The following TDRD5 variants were observed in gnomAD, a reference collection of about 807,000 sequenced individuals.
The protein encoded by TDRD5 is tudor domain containing 5.
TDRD5 carries 41 observed loss-of-function variants against 120.6 expected under a neutral mutation model. The ratio of observed to expected loss-of-function variants is 0.34; its 90% CI spans 0.26 to 0.44. The LOEUF (loss-of-function observed/expected upper bound fraction) is 0.44. Ranked by LOEUF, TDRD5 falls within the 20% of genes least tolerant of loss-of-function variation. The probability of loss-of-function intolerance (pLI) is 1.00; values close to 1 mark genes in which losing one functional copy is unlikely to be tolerated. For synonymous variants in TDRD5, 430 were observed against 433.7 expected (o/e 0.99, Z 0.11); for missense variants, 1,006 against 1,221.2 (o/e 0.82, Z 2.63).
intron 7 of TDRD5, among the ~76,000 whole-genome samples, chr1:179,631,882 G>T (rs1258078680): frequency 1.4e-5 from 2 of 142,080 alleles, no homozygotes; most frequent in African/African-American, 2.6e-5. Context: ...TTGTGGGGTG[G>T]GTGGTGGTGA....
At chr1:179,683,067 A>C (rs1680517793) in intron 17 of TDRD5, among the ~76,000 whole-genome samples, 1 of 151,972 alleles carries the variant, frequency 6.6e-6, no homozygotes, top group African/African-American at 2.4e-5. Flanking sequence ...TATATCCACA[A>C]ATTTTAGATG....
chr1:179,662,211 T>C lies in TDRD5; in HGVS notation c.2430T>C (p.Asp810=). 1 of 1,612,134 alleles carries C rather than the reference T, an allele frequency of 6.2e-7. No individual in the cohort carries two copies. Among genetic ancestry groups the C allele is most frequent in the Non-Finnish European group, 8.5e-7 (1 of 1,179,276 alleles). ...AGGCTAAGATGGGAAAAGGAGGTGA[T>C]GCTGCCTCCCATCTATTTACTGCAA... is the stretch of plus-strand genomic sequence containing the variant. ...PLQAKMGKGG[D]AASHLFTASL... The change falls in exon 15 of 18, where the codon GAT becomes GAC. Residue 810 remains aspartate, a synonymous_variant. Coordinates refer to ENST00000444136, the MANE Select transcript of TDRD5 (RefSeq NM_001199085.3).
At position 179,691,232 on chromosome 1, in the gene TDRD5, T is replaced by C. The variant is rs1421198777; in HGVS notation, c.*289T>C. The C allele has an allele frequency of 1.1e-5, 3 of 264,022 alleles. No homozygotes were observed. Among genetic ancestry groups the C allele is most frequent in the Non-Finnish European group, 7.3e-6 (1 of 137,636 alleles). 16.4% of individuals were successfully genotyped at this position (264,022 alleles called of 1,614,324 possible). On this transcript the variant is annotated 3_prime_UTR_variant, in exon 18 of 18. Coordinates refer to ENST00000444136, the MANE Select transcript of TDRD5 (RefSeq NM_001199085.3). ...TTTGTTTTTTTGTGTTTGTTTTTCT[T>C]GTACATTATCATGACTGATAAATGA...
chr1:179,686,710 C>G (rs1680738833), intron 17 of TDRD5, among the ~76,000 whole-genome samples: 1 of 152,174 alleles, frequency 6.6e-6, no homozygotes, highest in African/African-American at 2.4e-5. Flanking sequence ...ATTATTGCCT[C>G]AGTTTCAGAG....
intron 5 of TDRD5, among the ~76,000 whole-genome samples, chr1:179,620,600 G>C (rs1209772194): frequency 6.6e-6 from 1 of 152,032 alleles, no homozygotes. Context: ...TTTGATGTAC[G>C]TATGGACAAT....
At chr1:179,655,038 A>C (rs1235738995) in intron 14 of TDRD5, among the ~76,000 whole-genome samples, 1 of 152,094 alleles carries the variant, frequency 6.6e-6, no homozygotes, top group Non-Finnish European at 1.5e-5. Flanking sequence ...AAAACTTAAG[A>C]TCCCCCATGA....
intron 11 of TDRD5, among the ~76,000 whole-genome samples, chr1:179,647,097 C>G (rs1426736696): frequency 4.0e-4 from 60 of 149,790 alleles, no homozygotes; most frequent in Admixed American, 3.1e-3. Context: ...TTGGAAAAAA[C>G]TACTTTAAAG....
At chr1:179,631,298 A>G (rs1051619848) in intron 7 of TDRD5, among the ~76,000 whole-genome samples, 1 of 152,198 alleles carries the variant, frequency 6.6e-6, no homozygotes, top group Non-Finnish European at 1.5e-5. Flanking sequence ...AGGCTGAGGC[A>G]GGAGAATGGC....
intron 17 of TDRD5, among the ~76,000 whole-genome samples, chr1:179,683,815 T>A (rs922184214): frequency 6.6e-6 from 1 of 152,168 alleles, no homozygotes; most frequent in African/African-American, 2.4e-5. Flanking sequence ...CTGAATTTTT[T>A]TTTTAAGCAG....
chr1:179,613,891 A>G (rs572338457), intron 4 of TDRD5, among the ~76,000 whole-genome samples: 3 of 152,324 alleles, frequency 2.0e-5, no homozygotes, highest in African/African-American at 7.2e-5. Flanking sequence ...TTGGTGCTGT[A>G]TGTTTCTGTG....
intron 9 of TDRD5, among the ~76,000 whole-genome samples, chr1:179,639,186 A>G (rs748786890): frequency 6.6e-6 from 1 of 152,214 alleles, no homozygotes; most frequent in Admixed American, 6.5e-5. Context: ...ACACTGTCCT[A>G]AACTTTCAGA....
intron 14 of TDRD5, among the ~76,000 whole-genome samples, chr1:179,654,719 G>T (rs1410198627): frequency 3.9e-5 from 6 of 152,178 alleles, no homozygotes; most frequent in Non-Finnish European, 7.3e-5. Context: ...AGTGAGCTGA[G>T]ATCGTGCCAC....
At chr1:179,663,611 T>C in intron 16 of TDRD5, 120 bp downstream of exon 16, 10 of 1,299,886 alleles carry the variant, frequency 7.7e-6, no homozygotes, top group African/African-American at 3.0e-5. Flanking sequence ...CAGCTTGCTG[T>C]AGCTGTTACT....
chr1:179,612,189 A>G (rs1046295529), intron 4 of TDRD5, among the ~76,000 whole-genome samples: 1 of 152,172 alleles, frequency 6.6e-6, no homozygotes. Flanking sequence ...TCACAAGAAA[A>G]TATTATTAAA....
At position 179,601,718 on chromosome 1, in the gene TDRD5, A is replaced by G. The variant is rs1283400419; in HGVS notation, c.831+5900A>G. The stretch of plus-strand genomic sequence containing the variant: ...TTTTGCAATTGCAATTTGTGCTGCT[A>G]TAAATGTGCATCTGCAAGTATCTTT... On this transcript the variant is annotated intron_variant, in intron 4 of 17. Transcript: ENST00000444136. Among the ~76,000 whole-genome samples, 5 of 152,208 alleles carry G rather than the reference A, an allele frequency of 3.3e-5. No individual in the cohort carries two copies. In the East Asian group the frequency reaches 7.7e-4, roughly 23 times the overall value.
At chr1:179,611,985 C>A (rs1002030406) in intron 4 of TDRD5, among the ~76,000 whole-genome samples, 1 of 152,134 alleles carries the variant, frequency 6.6e-6, no homozygotes, top group African/African-American at 2.4e-5. Context: ...TCACATAATC[C>A]TATTTACAAA....
At chr1:179,649,727 C>G (rs1251553190) in intron 11 of TDRD5, among the ~76,000 whole-genome samples, 1 of 152,076 alleles carries the variant, frequency 6.6e-6, no homozygotes, top group Non-Finnish European at 1.5e-5. Context: ...TATATTGTTT[C>G]TGTTCTTTTT....
At chr1:179,599,465 T>C (rs867629618) in intron 4 of TDRD5, among the ~76,000 whole-genome samples, 1 of 152,132 alleles carries the variant, frequency 6.6e-6, no homozygotes, top group South Asian at 2.1e-4. Flanking sequence ...GAGCTTTCTT[T>C]GCAGAAAGGT....
At chr1:179,610,120 C>G (rs1467601047) in intron 4 of TDRD5, among the ~76,000 whole-genome samples, 1 of 152,072 alleles carries the variant, frequency 6.6e-6, no homozygotes, top group African/African-American at 2.4e-5. Context: ...TACATTTTCC[C>G]AATTTTCTAG....
Sources: allele counts gnomAD v4.1 joint callset (sites outside exome capture counted in the v4.1 genomes callset), GRCh38; gene constraint gnomAD v4.1.1; transcripts MANE v1.5; gene names NCBI Gene and HGNC (gene_info 2026-07-23, HGNC 2026-07-21).